SLC4A10: variants seen among roughly 807,000 people sequenced by gnomAD.
SLC4A10 encodes solute carrier family 4 member 10, also known as sodium-driven chloride bicarbonate exchanger.
A neutral mutation model predicts 137.7 loss-of-function variants in SLC4A10; 42 were observed. The observed-to-expected ratio is 0.30, with a 90% CI of 0.24 to 0.39. The LOEUF (loss-of-function observed/expected upper bound fraction) is 0.39, where lower values mean the gene tolerates loss of function less well. Ranked by LOEUF, SLC4A10 falls within the 10% of genes least tolerant of loss-of-function variation. SLC4A10 has a pLI of 1.00. For synonymous variants in SLC4A10, 474 were observed against 464.1 expected, an observed-to-expected ratio of 1.02 and a Z score of -0.27; for missense variants, 925 against 1,355.0, an observed-to-expected ratio of 0.68 and a Z score of 4.98.
chr2:161,645,727 T>C (rs925403527), intron 1 of SLC4A10, among the ~76,000 whole-genome samples: 5 of 152,072 alleles, frequency 3.3e-5, no homozygotes, highest in African/African-American at 9.6e-5. Context: ...AAATTTAGTG[T>C]TGGCTGAACA....
At chr2:161,899,649 A>G (rs1025770570) in intron 11 of SLC4A10, among the ~76,000 whole-genome samples, 1 of 152,108 alleles carries the variant, frequency 6.6e-6, no homozygotes, top group Non-Finnish European at 1.5e-5. Context: ...AGTCAGTAGT[A>G]TTTTCCCAGA....
intron 14 of SLC4A10, among the ~76,000 whole-genome samples, chr2:161,905,274 A>G (rs2105339209): frequency 6.6e-6 from 1 of 152,296 alleles, no homozygotes; most frequent in East Asian, 1.9e-4. Context: ...GAAACTGTTC[A>G]CCTCAGATCA....
intron 7 of SLC4A10, 89 bp from the exon 8 acceptor site, chr2:161,873,827 T>C (rs2061296752): frequency 1.6e-6 from 2 of 1,267,218 alleles, no homozygotes; most frequent in Non-Finnish European, 2.2e-6. Context: ...AATCTAGATC[T>C]AGTTACGTGC....
chr2:161,696,716 T>C (rs1054166392), intron 1 of SLC4A10, among the ~76,000 whole-genome samples: 11 of 152,126 alleles, frequency 7.2e-5, no homozygotes, highest in African/African-American at 2.7e-4. Context: ...TGATGGACAT[T>C]TGGGTTGGTT....
chr2:161,903,948 G>T, intron 12 of SLC4A10, 56 bp from the exon 13 acceptor site: 1 of 1,492,988 alleles, frequency 6.7e-7, no homozygotes, highest in South Asian at 1.3e-5. Flanking sequence ...TGAGCATTTT[G>T]ACTTGTGTGT....
chr2:161,843,009 C>T (rs2059279186), intron 4 of SLC4A10, among the ~76,000 whole-genome samples: 1 of 152,112 alleles, frequency 6.6e-6, no homozygotes, highest in Admixed American at 6.5e-5. Flanking sequence ...TCTCTTTAAC[C>T]TATTGCTAAG....
At chr2:161,842,227 C>T (rs1184694539) in intron 4 of SLC4A10, among the ~76,000 whole-genome samples, 1 of 152,100 alleles carries the variant, frequency 6.6e-6, no homozygotes, top group East Asian at 1.9e-4. Context: ...GCAAAGAGAG[C>T]AGACATTTTT....
At chr2:161,640,647 TC>T (rs761644872) in intron 1 of SLC4A10, among the ~76,000 whole-genome samples, 15,324 of 137,740 alleles carry the variant, frequency 0.11, 1,486 homozygotes, top group Non-Finnish European at 0.14. Context: ...CTTCCTTCCT[TC>T]CTTCCTTCCT....
At chr2:161,733,117 G>A (rs1449847200) in intron 1 of SLC4A10, among the ~76,000 whole-genome samples, 1 of 152,144 alleles carries the variant, frequency 6.6e-6, no homozygotes, top group Non-Finnish European at 1.5e-5. Flanking sequence ...AATTCAAGCA[G>A]GCTGCATAAA....
intron 4 of SLC4A10, among the ~76,000 whole-genome samples, chr2:161,844,180 G>T (rs1035381842): frequency 8.5e-5 from 13 of 152,060 alleles, no homozygotes; most frequent in Non-Finnish European, 1.8e-4. Flanking sequence ...GGCAAAGCAG[G>T]GGGTAGCGTT....
intron 19 of SLC4A10, among the ~76,000 whole-genome samples, chr2:161,955,581 A>T (rs947229647): frequency 1.3e-5 from 2 of 152,178 alleles, no homozygotes; most frequent in Admixed American, 6.5e-5. Context: ...TTGTCTCCTC[A>T]CTATCATCTC....
chr2:161,818,901 G>A (rs1209048167), intron 3 of SLC4A10, among the ~76,000 whole-genome samples: 1 of 152,090 alleles, frequency 6.6e-6, no homozygotes. Flanking sequence ...GAGGATTTTT[G>A]CATCAATATT....
At position 161,682,317 on chromosome 2, in the gene SLC4A10, T is replaced by A. The variant is rs75621795; in HGVS notation, c.48+57751T>A. On this transcript the variant is annotated intron_variant, in intron 1 of 26. Transcript: ENST00000446997. Reference sequence around the variant, plus strand: ...TGTGGAACTATTTTCTTCTAACATTTATTAATATCCTTTGGTTCCAGTGTG... The same window carrying A: ...TGTGGAACTATTTTCTTCTAACATTAATTAATATCCTTTGGTTCCAGTGTG... Among the ~76,000 whole-genome samples the A allele has an allele frequency of 1.8e-3, 275 of 152,314 alleles. 5 individuals carry two copies. In the East Asian group the frequency reaches 0.024, roughly 13 times the overall value.
intron 5 of SLC4A10, among the ~76,000 whole-genome samples, chr2:161,857,618 A>G (rs530814042): frequency 6.6e-6 from 1 of 152,072 alleles, no homozygotes; most frequent in Non-Finnish European, 1.5e-5. Context: ...TTTTCTCTCT[A>G]TAGTTTGTAA....
chr2:161,829,837 C>A (rs192730268), intron 3 of SLC4A10, among the ~76,000 whole-genome samples: 2 of 152,204 alleles, frequency 1.3e-5, no homozygotes, highest in African/African-American at 4.8e-5. Flanking sequence ...AAGGAAGGCA[C>A]ATCTTACATG....
chr2:161,958,998 AACCTATG>A, intron 21 of SLC4A10, among the ~76,000 whole-genome samples: 1 of 152,340 alleles, frequency 6.6e-6, no homozygotes, highest in Middle Eastern at 3.4e-3. Flanking sequence ...ATAATTAGGT[AACCTATG>A]GTATATTCAC....
At chr2:161,678,324 A>G (rs1003502338) in intron 1 of SLC4A10, among the ~76,000 whole-genome samples, 5 of 152,242 alleles carry the variant, frequency 3.3e-5, no homozygotes, top group Admixed American at 6.5e-5. Context: ...AAACTTGGCC[A>G]TTTTTGCTAT....
At chr2:161,815,997 T>A (rs997863781) in intron 3 of SLC4A10, among the ~76,000 whole-genome samples, 1 of 152,160 alleles carries the variant, frequency 6.6e-6, no homozygotes, top group Non-Finnish European at 1.5e-5. Context: ...ATTTTCTAGA[T>A]TTCACTTTTT....
At chr2:161,713,694 G>A (rs2125074408) in intron 1 of SLC4A10, among the ~76,000 whole-genome samples, 1 of 151,906 alleles carries the variant, frequency 6.6e-6, no homozygotes, top group African/African-American at 2.4e-5. Flanking sequence ...TTTGTCTTAG[G>A]GAAAATTGGA....
Sources: gnomAD v4.1 joint callset for allele counts (sites outside exome capture counted in the v4.1 genomes callset) on GRCh38, gnomAD v4.1.1 for gene constraint, MANE v1.5 for transcripts, NCBI Gene and HGNC (gene_info 2026-07-23, HGNC 2026-07-21) for gene names.